Variants in KDM7A observed in about 807,000 individuals in gnomAD.
The protein encoded by KDM7A is lysine demethylase 7A.
A neutral mutation model predicts 114.8 loss-of-function variants in KDM7A; 28 were observed. That is an observed-to-expected ratio of 0.24 (90% CI 0.18 to 0.33). The LOEUF (loss-of-function observed/expected upper bound fraction) is 0.33. Ranked by LOEUF, KDM7A falls within the 10% of genes least tolerant of loss-of-function variation. The pLI, the probability that KDM7A is intolerant of heterozygous loss-of-function variation, is 1.00. For synonymous variants in KDM7A, 423 were observed against 397.8 expected, an observed-to-expected ratio of 1.06 and a Z score of -0.75; for missense variants, 942 against 1,142.5, an observed-to-expected ratio of 0.82 and a Z score of 2.53.
At chr7:140,169,759 T>C (rs979253091) in intron 1 of KDM7A, among the ~76,000 whole-genome samples, 1 of 152,036 alleles carries the variant, frequency 6.6e-6, no homozygotes, top group African/African-American at 2.4e-5. Context: ...CTTCTGACCT[T>C]GTGATCCGCC....
At chr7:140,113,042 G>T (rs921005299) in intron 10 of KDM7A, among the ~76,000 whole-genome samples, 7 of 152,192 alleles carry the variant, frequency 4.6e-5, no homozygotes, top group Admixed American at 2.0e-4. Flanking sequence ...AACTTCACCA[G>T]TTCTCTTGGG....
At chr7:140,110,559 G>A (rs1818414115) in intron 11 of KDM7A, among the ~76,000 whole-genome samples, 1 of 151,888 alleles carries the variant, frequency 6.6e-6, no homozygotes, top group Non-Finnish European at 1.5e-5. Flanking sequence ...CAACCTTCTT[G>A]AAGAATTACT....
intron 7 of KDM7A, among the ~76,000 whole-genome samples, chr7:140,123,719 A>G (rs1051556951): frequency 2.0e-5 from 3 of 152,188 alleles, no homozygotes; most frequent in South Asian, 2.1e-4. Flanking sequence ...TGTATATCCC[A>G]CAATGGAACA....
chr7:140,123,803 CG>C (rs1343367684), intron 7 of KDM7A, among the ~76,000 whole-genome samples: 2 of 152,046 alleles, frequency 1.3e-5, no homozygotes, highest in Non-Finnish European at 2.9e-5. Flanking sequence ...GTATGCCGGC[CG>C]GGCGTGGAGG....
At chr7:140,133,078 C>T (rs1397368097) in intron 3 of KDM7A, among the ~76,000 whole-genome samples, 1 of 152,078 alleles carries the variant, frequency 6.6e-6, no homozygotes, top group East Asian at 1.9e-4. Context: ...AAAAGCCCAC[C>T]CCTGCAGTGG....
At chr7:140,129,714 T>C (rs1021812065) in intron 3 of KDM7A, 61 bp from the exon 4 acceptor site, 3 of 1,063,028 alleles carry the variant, frequency 2.8e-6, no homozygotes, top group Non-Finnish European at 4.3e-6. Context: ...TTAAAAAAAA[T>C]ACGGTAGTGA....
At chr7:140,166,853 T>G (rs2072967468) in intron 1 of KDM7A, among the ~76,000 whole-genome samples, 1 of 152,200 alleles carries the variant, frequency 6.6e-6, no homozygotes, top group African/African-American at 2.4e-5. Flanking sequence ...ACTCTCTATT[T>G]GTATATTACA....
At chr7:140,123,109 C>T (rs118165355) in intron 7 of KDM7A, among the ~76,000 whole-genome samples, 4,208 of 152,206 alleles carry the variant, frequency 0.028, 101 homozygotes, top group South Asian at 0.1. Context: ...AAATGCTCAG[C>T]ATCATTACTC....
chr7:140,104,047 T>C (rs1156313775), intron 11 of KDM7A, among the ~76,000 whole-genome samples: 1 of 152,250 alleles, frequency 6.6e-6, no homozygotes, highest in South Asian at 2.1e-4. Context: ...TGATTTGCGT[T>C]TCTCTGATGG....
chr7:140,127,424 A>AT lies in KDM7A; in HGVS notation c.701+17dup, dbSNP rs748198542. The AT allele has an allele frequency of 6.2e-7, 1 of 1,602,288 alleles. No individual in the cohort carries two copies. The highest frequency in any genetic ancestry group is 2.2e-5 in the East Asian group (1 of 44,762). On this transcript the variant is annotated intron_variant, in intron 5 of 19. Transcript: ENST00000397560. Reference sequence around the variant, plus strand: ...CTAACACTCAGAATGCTAAACCAAAATACCCAGAACTACTCACTTTGTATC... The same window carrying AT: ...CTAACACTCAGAATGCTAAACCAAAATTACCCAGAACTACTCACTTTGTATC...
intron 18 of KDM7A, among the ~76,000 whole-genome samples, chr7:140,093,271 C>G (rs1182660371): frequency 1.3e-5 from 2 of 152,168 alleles, no homozygotes; most frequent in East Asian, 1.9e-4. Context: ...TCTTTCGGTG[C>G]CATGTGAAAG....
In KDM7A at chr7:140,113,662, T is replaced by C. The variant is rs544290246; in HGVS notation, c.1247-80A>G. On this transcript the variant is annotated intron_variant, in intron 9 of 19. Transcript: ENST00000397560. ...AAAGGGATTAACTTCAGATTTTGAG[T>C]AGCCACCAAATATAAAACTATATAA... The C allele has an allele frequency of 2.7e-4, 180 of 661,174 alleles. 1 individual carries two copies. The South Asian group carries it at 3.4e-3, about 12-fold the overall frequency. The allele number at this position is 661,174 out of a possible 1,614,324, so 41.0% of individuals were successfully genotyped here.
At chr7:140,141,115 G>C (rs962616783) in intron 1 of KDM7A, among the ~76,000 whole-genome samples, 1 of 152,114 alleles carries the variant, frequency 6.6e-6, no homozygotes, top group Non-Finnish European at 1.5e-5. Context: ...TTAGGGAAAA[G>C]TATAAAATAT....
At chr7:140,157,024 T>C (rs969296520) in intron 1 of KDM7A, among the ~76,000 whole-genome samples, 1 of 152,178 alleles carries the variant, frequency 6.6e-6, no homozygotes, top group Non-Finnish European at 1.5e-5. Flanking sequence ...ATACACAAAA[T>C]GGCATAATAA....
At position 140,176,878 on chromosome 7, in the gene KDM7A, G is replaced by C. The variant is rs1250788385; in HGVS notation, c.60C>G (p.Ala20=). The change falls in exon 1 of 20, where the codon GCC becomes GCG. Residue 20 remains alanine, a synonymous_variant. Coordinates refer to ENST00000397560, the MANE Select transcript of KDM7A (RefSeq NM_030647.2). This position sits in a 1 kb window ranked among gnomAD's most constrained non-coding sequence, Gnocchi z 4.4. Reference sequence around the variant, plus strand: ...CCCGGCCGGGAGCCGCCACCGACACGGCTGCCGCGGCGGCTCCAGCTGCTG... The same window carrying C: ...CCCGGCCGGGAGCCGCCACCGACACCGCTGCCGCGGCGGCTCCAGCTGCTG... The part of the protein sequence containing the change: ...AGAAAGAAAA[A]VSVAAPGRAS... 5 of 1,215,504 alleles carry C rather than the reference G, an allele frequency of 4.1e-6. No homozygotes were observed. The highest frequency in any genetic ancestry group is 1.6e-5 in the African/African-American group (1 of 62,094). The allele number at this position is 1,215,504 out of a possible 1,614,324, so 75.3% of individuals were successfully genotyped here. A position where few individuals can be genotyped will look rare whatever the true frequency, so the allele number is the denominator to read the frequency against.
intron 1 of KDM7A, among the ~76,000 whole-genome samples, chr7:140,160,299 C>A (rs1794504247): frequency 6.6e-6 from 1 of 152,114 alleles, no homozygotes; most frequent in Non-Finnish European, 1.5e-5. Context: ...ATCACTGATG[C>A]AGTGGAGAGG....
intron 1 of KDM7A, among the ~76,000 whole-genome samples, chr7:140,175,371 G>C (rs890575239): frequency 8.5e-5 from 13 of 152,166 alleles, no homozygotes; most frequent in Admixed American, 2.6e-4. Flanking sequence ...ATTGGGGAGG[G>C]GGGGAGCGGA....
Position 140,089,115 on chromosome 7 carries a change from G to C in KDM7A, c.*1979C>G, listed in dbSNP as rs1484576136. 1 of 152,074 alleles carries C rather than the reference G, an allele frequency of 6.6e-6. No homozygotes were observed. Among genetic ancestry groups the C allele is most frequent in the African/African-American group, 2.4e-5 (1 of 41,390 alleles). The allele number at this position is 152,074 out of a possible 1,614,324, so 9.4% of individuals were successfully genotyped here. A position where few individuals can be genotyped will look rare whatever the true frequency, so the allele number is the denominator to read the frequency against. On this transcript the variant is annotated 3_prime_UTR_variant, in exon 20 of 20. Transcript: ENST00000397560. Reference sequence around the variant, plus strand: ...AGAATATACTGTGTGGGAAGGTAGGGGAATCAGTCAAACCCAGATTTTTGA... The same window carrying C: ...AGAATATACTGTGTGGGAAGGTAGGCGAATCAGTCAAACCCAGATTTTTGA...
chr7:140,170,686 C>T (rs1794628887), intron 1 of KDM7A, among the ~76,000 whole-genome samples: 1 of 152,234 alleles, frequency 6.6e-6, no homozygotes, highest in Non-Finnish European at 1.5e-5. Flanking sequence ...GTGCCTAGCA[C>T]TTTGTAAAAC....
Sources: gnomAD v4.1 joint callset for allele counts (sites outside exome capture counted in the v4.1 genomes callset) on GRCh38, gnomAD v4.1.1 for gene constraint, Gnocchi (gnomAD v3.1) non-coding constraint, MANE v1.5 for transcripts, NCBI Gene and HGNC (gene_info 2026-07-23, HGNC 2026-07-21) for gene names.